The following ZNF670 variants were observed in gnomAD, a reference collection of about 807,000 sequenced individuals.
ZNF670 encodes the protein zinc finger protein 670.
Under a neutral mutation model 10.9 loss-of-function variants are expected in ZNF670, and 7 were observed. The observed-to-expected ratio is 0.64, with a 90% CI of 0.36 to 1.20. The LOEUF is 1.20. Ranked by LOEUF, ZNF670 falls within the 50% of genes most tolerant of loss-of-function variation. The pLI is 0.02. For missense variants in ZNF670, 446 were observed against 458.6 expected, an observed-to-expected ratio of 0.97 and a Z score of 0.25; for synonymous variants, 136 against 152.7, an observed-to-expected ratio of 0.89 and a Z score of 0.81.
At chr1:247,050,688 C>T (rs537349066) in intron 1 of ZNF670, among the ~76,000 whole-genome samples, 69 of 152,058 alleles carry the variant, frequency 4.5e-4, no homozygotes, top group African/African-American at 1.6e-3. Flanking sequence ...ATTGGCCAGG[C>T]TGGTGTTGAA....
In ZNF670 at chr1:247,038,822, C is replaced by G; in HGVS notation, c.179G>C (p.Gly60Ala). 6.2e-7 allele frequency: 1 copy of G among 1,612,282 alleles called. No homozygotes were observed. Among genetic ancestry groups the G allele is most frequent in the East Asian group, 2.2e-5 (1 of 44,770 alleles). Reference protein sequence around the residue: ...QNIQDDFKNPGRNLSSHVVER... With the variant: ...QNIQDDFKNPARNLSSHVVER... Reference sequence around the variant, plus strand: ...GAATGCAAATTACCTTAGATTTCTCCCAGGATTTTTGAAGTCATCTTGGAT... The same window carrying G: ...GAATGCAAATTACCTTAGATTTCTCGCAGGATTTTTGAAGTCATCTTGGAT... The change falls in exon 3 of 4, where the codon GGG becomes GCG. Residue 60 changes from glycine to alanine, a missense_variant. By Grantham distance (60) the Gly-to-Ala change is moderately conservative. Coordinates refer to ENST00000366503, the MANE Select transcript of ZNF670 (RefSeq NM_033213.5).
intron 1 of ZNF670, among the ~76,000 whole-genome samples, chr1:247,068,551 A>G (rs996956563): frequency 1.3e-5 from 2 of 150,604 alleles, no homozygotes; most frequent in African/African-American, 5.0e-5. Flanking sequence ...ACCCTTGTAC[A>G]CTGTTGGTGG....
At chr1:247,054,325 GGCATGGCTAAGGGCTTATACCATC>G (rs1670667910) in intron 1 of ZNF670, among the ~76,000 whole-genome samples, 1 of 152,230 alleles carries the variant, frequency 6.6e-6, no homozygotes, top group African/African-American at 2.4e-5. Context: ...GATGCCAGCT[GGCATGGCTAAGGGCTTATACCATC>G]CCTCCTTCAA....
chr1:247,078,685 G>T lies in ZNF670; in HGVS notation c.-89C>A. 6.9e-7 allele frequency: 1 copy of T among 1,440,900 alleles called. No individual in the cohort carries two copies. The highest frequency in any genetic ancestry group is 9.7e-7 in the Non-Finnish European group (1 of 1,030,802). The allele number at this position is 1,440,900 out of a possible 1,614,324, so 89.3% of individuals were successfully genotyped here. On this transcript the variant is annotated 5_prime_UTR_variant, in exon 1 of 4. Transcript: ENST00000366503. Reference sequence around the variant, plus strand: ...AACAGAAGCTGCCGCGGGACCACTTGGACCTCCCAGGGATAAGGGGAAGGA... The same window carrying T: ...AACAGAAGCTGCCGCGGGACCACTTTGACCTCCCAGGGATAAGGGGAAGGA...
chr1:247,056,677 G>A (rs781113078), intron 1 of ZNF670, among the ~76,000 whole-genome samples: 11 of 152,072 alleles, frequency 7.2e-5, no homozygotes, highest in South Asian at 2.1e-4. Flanking sequence ...TGAGGCAGGC[G>A]GATCATCAGG....
intron 1 of ZNF670, among the ~76,000 whole-genome samples, chr1:247,075,135 G>A (rs1282367054): frequency 6.6e-6 from 1 of 152,152 alleles, no homozygotes; most frequent in African/African-American, 2.4e-5. Flanking sequence ...AACTGGAAAA[G>A]CCAAAGTATC....
intron 1 of ZNF670, among the ~76,000 whole-genome samples, chr1:247,069,738 G>C (rs1314054687): frequency 6.6e-6 from 1 of 152,156 alleles, no homozygotes; most frequent in African/African-American, 2.4e-5. Flanking sequence ...AAATAAGCCA[G>C]GCACAGAAAG....
At position 247,051,969 on chromosome 1, in the gene ZNF670, A is replaced by AT. The variant is rs578024858; in HGVS notation, c.4-12433dup. On this transcript the variant is annotated intron_variant, in intron 1 of 3. Transcript: ENST00000366503. ...TTTTATTGATGATATGTGTTTGGAGATTTTTTCGTCCATGTCCTGTATTTT... is the reference window on the plus strand; with the variant it reads ...TTTTATTGATGATATGTGTTTGGAGATTTTTTTCGTCCATGTCCTGTATTTT... 2.2e-3 allele frequency among the ~76,000 whole-genome samples: 313 copies of AT among 140,932 alleles called. 2 individuals are homozygous for AT. Among genetic ancestry groups the AT allele is most frequent in the African/African-American group, 6.8e-3 (261 of 38,236 alleles). 92.5% of individuals were successfully genotyped at this position (140,932 alleles called of 152,430 possible). A position where few individuals can be genotyped will look rare whatever the true frequency, so the allele number is the denominator to read the frequency against.
intron 1 of ZNF670, among the ~76,000 whole-genome samples, chr1:247,045,819 G>A (rs938143025): frequency 1.4e-4 from 21 of 152,138 alleles, no homozygotes; most frequent in African/African-American, 4.6e-4. Flanking sequence ...TTTTTAGAGA[G>A]TGGTTAAGTG....
chr1:247,057,092 C>G (rs1462710641), intron 1 of ZNF670, among the ~76,000 whole-genome samples: 1 of 152,120 alleles, frequency 6.6e-6, no homozygotes, highest in Non-Finnish European at 1.5e-5. Flanking sequence ...TATTTGCAAA[C>G]TACTCATCTG....
chr1:247,057,962 T>G (rs888373452), intron 1 of ZNF670, among the ~76,000 whole-genome samples: 4 of 152,224 alleles, frequency 2.6e-5, no homozygotes, highest in African/African-American at 9.6e-5. Flanking sequence ...AAATATAACT[T>G]AATTGTACAT....
intron 1 of ZNF670, among the ~76,000 whole-genome samples, chr1:247,071,282 T>C (rs1488624003): frequency 6.6e-6 from 1 of 152,204 alleles, no homozygotes; most frequent in Non-Finnish European, 1.5e-5. Flanking sequence ...CAGGGACAAT[T>C]ACACAGCCAT....
chr1:247,063,668 T>C (rs1023607444), intron 1 of ZNF670, among the ~76,000 whole-genome samples: 1 of 149,746 alleles, frequency 6.7e-6, no homozygotes, highest in African/African-American at 2.5e-5. Flanking sequence ...AGACAGTGGA[T>C]TTGAGACTCT....
intron 1 of ZNF670, among the ~76,000 whole-genome samples, chr1:247,063,679 G>A (rs969475078): frequency 6.7e-6 from 1 of 150,352 alleles, no homozygotes; most frequent in Non-Finnish European, 1.5e-5. Flanking sequence ...TTGAGACTCT[G>A]TTTTTCATAC....
Position 247,068,463 on chromosome 1 carries a change from C to T in ZNF670, c.3+10131G>A, listed in dbSNP as rs375739906. 2.7e-5 allele frequency among the ~76,000 whole-genome samples: 4 copies of T among 150,656 alleles called. No homozygotes were observed. In the East Asian group the frequency reaches 7.7e-4, roughly 29 times the overall value. On this transcript the variant is annotated intron_variant, in intron 1 of 3. Coordinates refer to ENST00000366503, the MANE Select transcript of ZNF670 (RefSeq NM_033213.5). ...GCAAATCAAAACTACAATAGGATAT[C>T]ATCTCACCCCAGTTAAAATGGCTTA...
intron 3 of ZNF670, 123 bp from the exon 4 acceptor site, chr1:247,038,550 T>G: frequency 1.0e-6 from 1 of 994,874 alleles, no homozygotes; most frequent in South Asian, 1.7e-5. Context: ...AATTAATTAC[T>G]GTAAGATATG....
chr1:247,037,332 T>C lies in ZNF670; in HGVS notation c.*117A>G, dbSNP rs554942560. 2 of 1,248,544 alleles carry C rather than the reference T, an allele frequency of 1.6e-6. No individual in the cohort carries two copies. The highest frequency in any genetic ancestry group is 1.7e-5 in the South Asian group (1 of 58,730). 77.3% of individuals were successfully genotyped at this position (1,248,544 alleles called of 1,614,324 possible). A position where few individuals can be genotyped will look rare whatever the true frequency, so the allele number is the denominator to read the frequency against. Reference sequence around the variant, plus strand: ...TACATTCTAATCTTCCTTACATGTGTTGGGTTTCTCTCTAATTTGAGTTTT... The same window carrying C: ...TACATTCTAATCTTCCTTACATGTGCTGGGTTTCTCTCTAATTTGAGTTTT... On this transcript the variant is annotated 3_prime_UTR_variant, in exon 4 of 4. Transcript: ENST00000366503.
intron 1 of ZNF670, chr1:247,043,376 A>G (rs770094795): frequency 3.7e-6 from 2 of 539,356 alleles, no homozygotes; most frequent in Non-Finnish European, 6.9e-6. Context: ...AGCATGGTCA[A>G]GATGTTAAAA....
chr1:247,050,411 T>C (rs1670562799), intron 1 of ZNF670, among the ~76,000 whole-genome samples: 2 of 152,190 alleles, frequency 1.3e-5, no homozygotes, highest in Admixed American at 6.5e-5. Context: ...CTTAGGTTTA[T>C]GTGAGTCCTT....
Sources: gnomAD v4.1 joint callset for allele counts (sites outside exome capture counted in the v4.1 genomes callset) on GRCh38, gnomAD v4.1.1 for gene constraint, MANE v1.5 for transcripts, NCBI Gene and HGNC (gene_info 2026-07-23, HGNC 2026-07-21) for gene names.